Variants in CNTNAP2 observed in about 807,000 individuals in gnomAD.
CNTNAP2 encodes the protein contactin-associated protein-like 2.
CNTNAP2 carries 98 observed loss-of-function variants against 155.2 expected under a neutral mutation model. That is an observed-to-expected ratio of 0.63 (90% CI 0.54 to 0.75). The LOEUF is 0.75. Ranked by LOEUF, CNTNAP2 falls within the 30% of genes least tolerant of loss-of-function variation. The probability of loss-of-function intolerance (pLI) is 0.00; values close to 1 mark genes in which losing one functional copy is unlikely to be tolerated. For synonymous variants in CNTNAP2, 651 were observed against 631.2 expected (o/e 1.03, Z -0.47); for missense variants, 1,727 against 1,688.1 (o/e 1.02, Z -0.40).
chr7:147,306,443 G>A (rs73742534), intron 9 of CNTNAP2, among the ~76,000 whole-genome samples: 11 of 152,246 alleles, frequency 7.2e-5, no homozygotes, highest in African/African-American at 1.4e-4. Context: ...TAACCTCTGC[G>A]TAGGACCACG....
chr7:146,516,924 C>A (rs1245506319), intron 1 of CNTNAP2, among the ~76,000 whole-genome samples: 1 of 151,974 alleles, frequency 6.6e-6, no homozygotes, highest in Non-Finnish European at 1.5e-5. Context: ...TCCTCTTCTT[C>A]AAAAATTGAT....
At chr7:148,079,934 T>C (rs1006860742) in intron 15 of CNTNAP2, among the ~76,000 whole-genome samples, 4 of 152,208 alleles carry the variant, frequency 2.6e-5, no homozygotes, top group African/African-American at 9.6e-5. Context: ...CCAATTCAGA[T>C]GGCTGTGGGG....
intron 10 of CNTNAP2, among the ~76,000 whole-genome samples, chr7:147,478,089 G>T (rs1333986255): frequency 6.6e-6 from 1 of 152,030 alleles, no homozygotes; most frequent in Non-Finnish European, 1.5e-5. Context: ...TCAAAGTAGA[G>T]GAACTGCAGT....
At position 148,147,602 on chromosome 7, in the gene CNTNAP2, G is replaced by A. The variant is rs1399051856; in HGVS notation, c.2666G>A (p.Arg889Lys). The A allele has an allele frequency of 6.2e-7, 1 of 1,614,098 alleles. No individual in the cohort carries two copies. Among genetic ancestry groups the A allele is most frequent in the Non-Finnish European group, 8.5e-7 (1 of 1,180,038 alleles). Residue 889 changes from arginine (R) to lysine (K), a missense_variant, in exon 17 of 24, where the codon AGG becomes AAG. Coordinates refer to ENST00000361727, the MANE Select transcript of CNTNAP2 (RefSeq NM_014141.6). ...CAGTGGCACCGGGTCACTGCAGAGAGGAATGTCAAGCAGGCCAGCCTACAG... is the reference window on the plus strand; with the variant it reads ...CAGTGGCACCGGGTCACTGCAGAGAAGAATGTCAAGCAGGCCAGCCTACAG... Reference protein sequence around the residue: ...DDQWHRVTAERNVKQASLQVD... With the variant: ...DDQWHRVTAEKNVKQASLQVD...
chr7:146,922,013 C>A (rs576884453), intron 3 of CNTNAP2, among the ~76,000 whole-genome samples: 1 of 152,132 alleles, frequency 6.6e-6, no homozygotes, highest in South Asian at 2.1e-4. Context: ...ATGCCACTGC[C>A]ACCCATAATA....
intron 4 of CNTNAP2, among the ~76,000 whole-genome samples, chr7:147,061,528 T>C (rs1456773034): frequency 7.3e-6 from 1 of 136,500 alleles, no homozygotes; most frequent in Non-Finnish European, 1.5e-5. Flanking sequence ...TATCGTGTCA[T>C]TGTGTGCACA....
At chr7:146,794,790 A>G (rs979107882) in intron 2 of CNTNAP2, among the ~76,000 whole-genome samples, 18 of 152,252 alleles carry the variant, frequency 1.2e-4, no homozygotes, top group African/African-American at 4.3e-4. Flanking sequence ...CAATACAAGT[A>G]CTTCAAAGTA....
chr7:147,505,247 A>T (rs1350412176), intron 11 of CNTNAP2, among the ~76,000 whole-genome samples: 1 of 152,186 alleles, frequency 6.6e-6, no homozygotes, highest in Non-Finnish European at 1.5e-5. Context: ...TAGAAATTAA[A>T]GGTGTTGGGA....
chr7:147,697,568 T>C (rs1387122987), intron 13 of CNTNAP2, among the ~76,000 whole-genome samples: 4 of 152,076 alleles, frequency 2.6e-5, no homozygotes, highest in African/African-American at 9.7e-5. Flanking sequence ...TAGTGATACG[T>C]TGTGGGGGAG....
chr7:148,383,219 A>T (rs1433399384), intron 21 of CNTNAP2, among the ~76,000 whole-genome samples: 4 of 145,688 alleles, frequency 2.7e-5, no homozygotes, highest in Admixed American at 2.1e-4. Context: ...AAGAATTCTG[A>T]AGAAGAAAAT....
intron 1 of CNTNAP2, among the ~76,000 whole-genome samples, chr7:146,416,984 T>C (rs952502839): frequency 2.0e-5 from 3 of 152,140 alleles, no homozygotes; most frequent in South Asian, 2.1e-4. Context: ...CGCCTGATTT[T>C]AGAAATTCTA....
intron 15 of CNTNAP2, among the ~76,000 whole-genome samples, chr7:148,009,485 T>A (rs1250794441): frequency 1.3e-5 from 2 of 152,162 alleles, no homozygotes; most frequent in African/African-American, 4.8e-5. Flanking sequence ...ATAATTAAAT[T>A]TGTATATTAT....
chr7:146,304,893 C>T (rs143423983), intron 1 of CNTNAP2, among the ~76,000 whole-genome samples: 22 of 152,114 alleles, frequency 1.4e-4, no homozygotes, highest in African/African-American at 5.1e-4. Flanking sequence ...CTCCCCCTCA[C>T]TTTCAGGTAC....
chr7:146,664,223 A>T (rs2129166665), intron 1 of CNTNAP2, among the ~76,000 whole-genome samples: 1 of 132,196 alleles, frequency 7.6e-6, no homozygotes, highest in Non-Finnish European at 1.5e-5. Flanking sequence ...GTGCAGTGGC[A>T]TGATCTCGGG....
In CNTNAP2 at chr7:147,526,707, T is replaced by G. The variant is rs1446813552; in HGVS notation, c.1778-35431T>G. 7.2e-5 allele frequency among the ~76,000 whole-genome samples: 11 copies of G among 152,336 alleles called. No individual in the cohort carries two copies. The East Asian group carries it at 1.9e-3, about 27-fold the overall frequency. ...TGCTCACCAAATCAATTAGATTTTT[T>G]AAGTGAAAATGAAAACCTCTTTGAG... On this transcript the variant is annotated intron_variant, in intron 11 of 23. Transcript: ENST00000361727.
intron 1 of CNTNAP2, among the ~76,000 whole-genome samples, chr7:146,491,226 T>C (rs1273235667): frequency 1.3e-5 from 2 of 152,154 alleles, no homozygotes; most frequent in Non-Finnish European, 2.9e-5. Flanking sequence ...ATTCAGAGCA[T>C]AGAATTTCAT....
At chr7:147,216,481 G>A (rs527506551) in intron 8 of CNTNAP2, among the ~76,000 whole-genome samples, 2 of 151,926 alleles carry the variant, frequency 1.3e-5, no homozygotes, top group South Asian at 4.2e-4. Flanking sequence ...AAAGATGATT[G>A]TGGGTCTATT....
Position 147,903,730 on chromosome 7 carries a change from C to T in CNTNAP2, c.2255+9C>T, listed in dbSNP as rs1585020148. ...GCGGACTACAAGCAATGGTGAGTGC[C>T]TGCGGGCAGCACAGCCAGGCTCACC... is the stretch of plus-strand genomic sequence containing the variant. On this transcript the variant is annotated intron_variant, in intron 14 of 23. Transcript: ENST00000361727. The T allele has an allele frequency of 3.1e-6, 5 of 1,613,092 alleles. No homozygotes were observed. The highest frequency in any genetic ancestry group is 4.2e-6 in the Non-Finnish European group (5 of 1,179,636).
At chr7:147,299,565 T>A (rs1794903266) in intron 8 of CNTNAP2, among the ~76,000 whole-genome samples, 4 of 152,172 alleles carry the variant, frequency 2.6e-5, no homozygotes, top group Admixed American at 2.6e-4. Flanking sequence ...ACAGTTATTA[T>A]TTAGTACTTA....
Sources: allele counts gnomAD v4.1 joint callset (sites outside exome capture counted in the v4.1 genomes callset), GRCh38; gene constraint gnomAD v4.1.1; transcripts MANE v1.5; gene names NCBI Gene and HGNC (gene_info 2026-07-23, HGNC 2026-07-21).